The following PPP4R3B variants were observed in gnomAD, a reference collection of about 807,000 sequenced individuals.
PPP4R3B encodes the protein protein phosphatase 4 regulatory subunit 3B, also known as serine/threonine-protein phosphatase 4 regulatory subunit 3B.
PPP4R3B carries 52 observed loss-of-function variants against 95.4 expected under a neutral mutation model. The ratio of observed to expected loss-of-function variants is 0.54; its 90% CI spans 0.44 to 0.69. PPP4R3B has a LOEUF of 0.69. Ranked by LOEUF, PPP4R3B falls within the 30% of genes least tolerant of loss-of-function variation. The probability of loss-of-function intolerance (pLI) is 0.00; values close to 1 mark genes in which losing one functional copy is unlikely to be tolerated. For synonymous variants in PPP4R3B, 407 were observed against 343.9 expected, an observed-to-expected ratio of 1.18 and a Z score of -2.03; for missense variants, 1,003 against 1,005.9, an observed-to-expected ratio of 1.00 and a Z score of 0.04.
chr2:55,559,485 T>C (rs1408970080), intron 15 of PPP4R3B, among the ~76,000 whole-genome samples: 1 of 151,910 alleles, frequency 6.6e-6, no homozygotes, highest in African/African-American at 2.4e-5. Flanking sequence ...CAAATCAAAT[T>C]GTAATCCCCA....
intron 12 of PPP4R3B, among the ~76,000 whole-genome samples, chr2:55,572,313 GA>G (rs1293277245): frequency 6.6e-6 from 1 of 152,076 alleles, no homozygotes; most frequent in Non-Finnish European, 1.5e-5. Flanking sequence ...AAGTTATCTG[GA>G]AAACAATACT....
At chr2:55,613,714 A>G (rs571514962) in intron 2 of PPP4R3B, among the ~76,000 whole-genome samples, 4 of 152,274 alleles carry the variant, frequency 2.6e-5, no homozygotes, top group Non-Finnish European at 4.4e-5. Flanking sequence ...AGAATCCATT[A>G]TTAAACCTAA....
intron 1 of PPP4R3B, among the ~76,000 whole-genome samples, chr2:55,616,053 C>T (rs1694880407): frequency 6.6e-6 from 1 of 151,578 alleles, no homozygotes; most frequent in Non-Finnish European, 1.5e-5. Flanking sequence ...AAAAATTAAT[C>T]TAAAACCAAC....
At chr2:55,578,369 T>C in intron 9 of PPP4R3B, 27 bp from the exon 10 acceptor site, 1 of 1,338,014 alleles carries the variant, frequency 7.5e-7, no homozygotes, top group Non-Finnish European at 9.6e-7. Context: ...CAAGTTAGTT[T>C]TGATAAAGCC....
intron 3 of PPP4R3B, among the ~76,000 whole-genome samples, chr2:55,599,707 A>G (rs1299516545): frequency 6.6e-6 from 1 of 152,188 alleles, no homozygotes; most frequent in Non-Finnish European, 1.5e-5. Flanking sequence ...GGGTTTTTCA[A>G]TAAAAATTCT....
Position 55,573,709 on chromosome 2 carries a change from T to A in PPP4R3B, c.1675A>T (p.Thr559Ser), listed in dbSNP as rs1264650166. 6.5e-7 allele frequency: 1 copy of A among 1,546,300 alleles called. No individual in the cohort carries two copies. Among genetic ancestry groups the A allele is most frequent in the Non-Finnish European group, 8.7e-7 (1 of 1,145,400 alleles). ...ATAATATAGTTTTTTATGTGATATG[T>A]GTGATGTTCCACACAAAATGTGAGT... ...ELLTFCVEHHTYHIKNYIMNK... is the reference protein window; with the variant it reads ...ELLTFCVEHHSYHIKNYIMNK... Residue 559 changes from threonine (T) to serine (S), a missense_variant, in exon 12 of 17, where the codon ACA becomes TCA. Coordinates refer to ENST00000616407, the MANE Select transcript of PPP4R3B (RefSeq NM_001122964.3).
intron 3 of PPP4R3B, among the ~76,000 whole-genome samples, chr2:55,599,400 T>G (rs1333718738): frequency 1.3e-5 from 2 of 151,842 alleles, no homozygotes. Flanking sequence ...ATCGCACCAC[T>G]GCACTCCAGC....
At chr2:55,566,878 T>C (rs1394420658) in intron 13 of PPP4R3B, among the ~76,000 whole-genome samples, 1 of 152,154 alleles carries the variant, frequency 6.6e-6, no homozygotes, top group African/African-American at 2.4e-5. Flanking sequence ...CTTTAGTGCA[T>C]GCCTGTAGTT....
intron 12 of PPP4R3B, among the ~76,000 whole-genome samples, chr2:55,569,293 T>C (rs753889785): frequency 4.6e-5 from 7 of 152,078 alleles, no homozygotes; most frequent in Non-Finnish European, 7.4e-5. Flanking sequence ...AAACACCTGC[T>C]ACTTAGCAGA....
intron 16 of PPP4R3B, among the ~76,000 whole-genome samples, chr2:55,557,084 G>A (rs1235937518): frequency 6.6e-6 from 1 of 152,120 alleles, no homozygotes; most frequent in Non-Finnish European, 1.5e-5. Context: ...CGACGACGAC[G>A]AAGCAGGAAG....
Position 55,586,229 on chromosome 2 carries a change from C to T in PPP4R3B, c.1116+389G>A, listed in dbSNP as rs1429798609. On this transcript the variant is annotated intron_variant, in intron 6 of 16. Coordinates refer to ENST00000616407, the MANE Select transcript of PPP4R3B (RefSeq NM_001122964.3). ...GTTTTAATTTTCCATAAAGTAAATA[C>T]CAATAGATAAAACTCATATAAACAA... is the stretch of plus-strand genomic sequence containing the variant. Among the ~76,000 whole-genome samples the T allele has an allele frequency of 2.6e-5, 4 of 151,988 alleles. No individual in the cohort carries two copies. In the East Asian group the frequency reaches 7.7e-4, roughly 29 times the overall value.
intron 15 of PPP4R3B, among the ~76,000 whole-genome samples, chr2:55,559,527 C>T (rs1686317852): frequency 6.6e-6 from 1 of 152,106 alleles, no homozygotes; most frequent in Non-Finnish European, 1.5e-5. Context: ...TGAGAGGTGA[C>T]TGGATCATGG....
intron 1 of PPP4R3B, among the ~76,000 whole-genome samples, 157 bp downstream of exon 1, chr2:55,616,987 A>G (rs546043025): frequency 2.0e-5 from 3 of 152,270 alleles, no homozygotes; most frequent in Non-Finnish European, 4.4e-5. Context: ...AGTCCAGTCA[A>G]AAGTACAGTA....
chr2:55,562,279 G>A (rs994485136), intron 15 of PPP4R3B, among the ~76,000 whole-genome samples: 3 of 152,066 alleles, frequency 2.0e-5, no homozygotes, highest in African/African-American at 4.8e-5. Context: ...AAAATTAGCT[G>A]GGTGTGGTGG....
At chr2:55,571,287 G>A (rs1687964238) in intron 12 of PPP4R3B, among the ~76,000 whole-genome samples, 1 of 149,482 alleles carries the variant, frequency 6.7e-6, no homozygotes. Flanking sequence ...TCCAGCCTGG[G>A]CAACAGAGCA....
rs1404899794 is a variant in PPP4R3B, at chr2:55,617,504, CCGCGCATACA to C, written c.-229_-220del. Reference sequence around the variant, plus strand: ...GAGGCCCCGTTACCTCTCACTTCACCCGCGCATACACCCACTCTCCCGTCTCTTTGCCCCC... The same window carrying C: ...GAGGCCCCGTTACCTCTCACTTCACCCCCACTCTCCCGTCTCTTTGCCCCC... On this transcript the variant is annotated 5_prime_UTR_variant, in exon 1 of 17. An upstream start codon of the reference 5' UTR is lost. Coordinates refer to ENST00000616407, the MANE Select transcript of PPP4R3B (RefSeq NM_001122964.3). The C allele has an allele frequency of 1.1e-5, 5 of 464,098 alleles. No individual in the cohort carries two copies. Among genetic ancestry groups the C allele is most frequent in the Non-Finnish European group, 1.5e-5 (4 of 267,424 alleles). The allele number at this position is 464,098 out of a possible 1,614,324, so 28.7% of individuals were successfully genotyped here.
intron 9 of PPP4R3B, 48 bp from the exon 10 acceptor site, chr2:55,578,390 A>C: frequency 7.9e-7 from 1 of 1,272,498 alleles, no homozygotes; most frequent in Non-Finnish European, 1.0e-6. Context: ...AACAGGGAGT[A>C]TATGAGTGTC....
intron 2 of PPP4R3B, among the ~76,000 whole-genome samples, chr2:55,610,768 C>A (rs1279873889): frequency 1.3e-5 from 2 of 151,972 alleles, no homozygotes; most frequent in South Asian, 2.1e-4. Context: ...TTATCTGTTT[C>A]ATCTGTTACA....
At chr2:55,603,938 G>C (rs1693025512) in intron 3 of PPP4R3B, 40 bp downstream of exon 3, 1 of 1,429,286 alleles carries the variant, frequency 7.0e-7, no homozygotes, top group Non-Finnish European at 9.6e-7. Context: ...TTCCAGAAAA[G>C]AAGCAAACAT....
Sources: allele counts gnomAD v4.1 joint callset (sites outside exome capture counted in the v4.1 genomes callset), GRCh38; gene constraint gnomAD v4.1.1; transcripts MANE v1.5; gene names NCBI Gene and HGNC (gene_info 2026-07-23, HGNC 2026-07-21).